Variants in TMEM45B observed in about 807,000 individuals in gnomAD.
TMEM45B encodes transmembrane protein 45B.
TMEM45B carries 29 observed loss-of-function variants against 27.3 expected under a neutral mutation model. The observed-to-expected ratio is 1.06, with a 90% CI of 0.79 to 1.45. The LOEUF (loss-of-function observed/expected upper bound fraction) is 1.45. Ranked by LOEUF, TMEM45B falls within the 40% of genes most tolerant of loss-of-function variation. TMEM45B has a pLI of 0.00. For synonymous variants in TMEM45B, 143 were observed against 134.7 expected, an observed-to-expected ratio of 1.06 and a Z score of -0.43; for missense variants, 348 against 343.9, an observed-to-expected ratio of 1.01 and a Z score of -0.09.
chr11:129,827,796 C>T (rs1390370380), intron 1 of TMEM45B, among the ~76,000 whole-genome samples: 2 of 152,040 alleles, frequency 1.3e-5, no homozygotes, highest in African/African-American at 4.8e-5. Context: ...GAGCGAAACT[C>T]TGCCTCAGAA....
intron 1 of TMEM45B, among the ~76,000 whole-genome samples, chr11:129,816,830 C>T (rs1345971970): frequency 2.0e-5 from 3 of 150,732 alleles, no homozygotes; most frequent in Admixed American, 2.0e-4. Flanking sequence ...CTCCACCTCC[C>T]GGGTTCACAC....
At position 129,847,173 on chromosome 11, in the gene TMEM45B, C is replaced by T. The variant is rs373771450; in HGVS notation, c.-8-5302C>T. Among the ~76,000 whole-genome samples, 103 of 152,258 alleles carry T rather than the reference C, an allele frequency of 6.8e-4. 1 individual carries two copies. The highest frequency in any genetic ancestry group is 5.4e-3 in the South Asian group (26 of 4,818). On this transcript the variant is annotated intron_variant, in intron 1 of 5. Coordinates refer to ENST00000281441, the MANE Select transcript of TMEM45B (RefSeq NM_138788.5). ...TGATGGATTAACAAATGACCACATG[C>T]ACAAAGCATTAGGTTGGTGCAAAAG...
At chr11:129,830,200 G>C (rs111669984) in intron 1 of TMEM45B, among the ~76,000 whole-genome samples, 1 of 152,214 alleles carries the variant, frequency 6.6e-6, no homozygotes, top group Non-Finnish European at 1.5e-5. Flanking sequence ...GGTGGCGCAT[G>C]CCTGTAATCC....
At chr11:129,842,847 A>C (rs979011317) in intron 1 of TMEM45B, among the ~76,000 whole-genome samples, 1 of 152,250 alleles carries the variant, frequency 6.6e-6, no homozygotes, top group African/African-American at 2.4e-5. Flanking sequence ...AAAACCATGA[A>C]GAGAGTAAAG....
Position 129,816,022 on chromosome 11 carries a change from G to A in TMEM45B, c.-9+124G>A. 2.4e-6 allele frequency: 3 copies of A among 1,225,428 alleles called. No homozygotes were observed. In the South Asian group the frequency reaches 1.1e-4, roughly 46 times the overall value. 75.9% of individuals were successfully genotyped at this position (1,225,428 alleles called of 1,614,324 possible). A position where few individuals can be genotyped will look rare whatever the true frequency, so the allele number is the denominator to read the frequency against. On this transcript the variant is annotated intron_variant, in intron 1 of 5. Transcript: ENST00000281441. ...CGACTCGCAGGGGACCTGCGGGGGA[G>A]GGGACGCGGACAGGGAGGGGCTCTG...
At chr11:129,847,143 G>A (rs535805051) in intron 1 of TMEM45B, among the ~76,000 whole-genome samples, 1 of 152,334 alleles carries the variant, frequency 6.6e-6, no homozygotes, top group East Asian at 1.9e-4. Context: ...GGTGATGCCT[G>A]ACAATGATGG....
chr11:129,839,504 T>A (rs1208904133), intron 1 of TMEM45B, among the ~76,000 whole-genome samples: 2 of 152,236 alleles, frequency 1.3e-5, no homozygotes, highest in Middle Eastern at 3.4e-3. Flanking sequence ...ATAAGAAAGT[T>A]GGGGAATTTG....
chr11:129,839,145 G>A (rs1393387318), intron 1 of TMEM45B, among the ~76,000 whole-genome samples: 1 of 152,088 alleles, frequency 6.6e-6, no homozygotes, highest in Non-Finnish European at 1.5e-5. Flanking sequence ...AGAGAGGGAG[G>A]GAGGGAAGGA....
chr11:129,837,100 C>G (rs1317877314), intron 1 of TMEM45B, among the ~76,000 whole-genome samples: 1 of 152,032 alleles, frequency 6.6e-6, no homozygotes, highest in African/African-American at 2.4e-5. Context: ...CCCAGGCCTG[C>G]TTCCCAAAGC....
chr11:129,841,507 G>C (rs1246626047), intron 1 of TMEM45B, among the ~76,000 whole-genome samples: 1 of 149,996 alleles, frequency 6.7e-6, no homozygotes, highest in East Asian at 2.0e-4. Flanking sequence ...TAAGGGACTT[G>C]AAAACTGGCC....
chr11:129,845,109 G>C (rs1947741111), intron 1 of TMEM45B, among the ~76,000 whole-genome samples: 1 of 152,074 alleles, frequency 6.6e-6, no homozygotes, highest in Non-Finnish European at 1.5e-5. Context: ...TTATAACCTA[G>C]ACTTTATATA....
At chr11:129,840,047 A>C (rs1379109592) in intron 1 of TMEM45B, among the ~76,000 whole-genome samples, 2 of 152,230 alleles carry the variant, frequency 1.3e-5, no homozygotes, top group African/African-American at 4.8e-5. Context: ...CAAATTATTT[A>C]GAAGTCCAAA....
chr11:129,830,840 G>C, intron 1 of TMEM45B, among the ~76,000 whole-genome samples: 1 of 152,180 alleles, frequency 6.6e-6, no homozygotes, highest in African/African-American at 2.4e-5. Flanking sequence ...CTAATACATT[G>C]CTGGTGGGAT....
rs1266274230 is a variant in TMEM45B at position 129,826,566 on chromosome 11, A to AG, written c.-9+10668_-9+10669insG. Among the ~76,000 whole-genome samples the AG allele has an allele frequency of 1.8e-3, 258 of 139,520 alleles. 29 individuals are homozygous for AG. The highest frequency in any genetic ancestry group is 5.9e-3 in the African/African-American group (225 of 37,972). The allele number at this position is 139,520 out of a possible 152,430, so 91.5% of individuals were successfully genotyped here. The stretch of plus-strand genomic sequence containing the variant: ...TCTGTCACAAAAAAAAAAAAAAAAA[A>AG]AAGGACCCTGAGAGGCTATGTGTCT... On this transcript the variant is annotated intron_variant, in intron 1 of 5. Coordinates refer to ENST00000281441, the MANE Select transcript of TMEM45B (RefSeq NM_138788.5).
Position 129,852,506 on chromosome 11 carries a change from G to C in TMEM45B, c.24G>C (p.Ala8=), listed in dbSNP as rs182617089. ...TGATGGCAAATTTCAAGGGCCACGC[G>C]CTTCCAGGGAGTTTCTTCCTGATCA... The part of the protein sequence containing the change: MANFKGH[A]LPGSFFLIIG... The change falls in exon 2 of 6, where the codon GCG becomes GCC. Residue 8 remains alanine, a synonymous_variant. Coordinates refer to ENST00000281441, the MANE Select transcript of TMEM45B (RefSeq NM_138788.5). 7 of 1,603,972 alleles carry C rather than the reference G, an allele frequency of 4.4e-6. No individual in the cohort carries two copies. The highest frequency in any genetic ancestry group is 6.0e-6 in the Non-Finnish European group (7 of 1,171,866).
At chr11:129,834,980 T>C (rs747732850) in intron 1 of TMEM45B, among the ~76,000 whole-genome samples, 1 of 152,176 alleles carries the variant, frequency 6.6e-6, no homozygotes, top group Non-Finnish European at 1.5e-5. Flanking sequence ...TAGACCTTGT[T>C]ATAAAGTGGC....
chr11:129,853,397 G>C (rs966748578), intron 2 of TMEM45B, among the ~76,000 whole-genome samples: 14 of 152,350 alleles, frequency 9.2e-5, no homozygotes, highest in African/African-American at 3.4e-4. Flanking sequence ...GCTTCTTGGA[G>C]AGAGTGAAGC....
At chr11:129,853,483 C>G (rs528437163) in intron 2 of TMEM45B, among the ~76,000 whole-genome samples, 67 of 152,364 alleles carry the variant, frequency 4.4e-4, no homozygotes, top group African/African-American at 1.4e-3. Flanking sequence ...CCCCACTCAC[C>G]ATTCAGGCAT....
intron 1 of TMEM45B, among the ~76,000 whole-genome samples, chr11:129,816,545 G>A (rs1178720984): frequency 1.3e-5 from 2 of 152,108 alleles, no homozygotes; most frequent in Non-Finnish European, 2.9e-5. Context: ...GTCAGGCGCA[G>A]TGGGGGAGAA....
Sources: allele counts gnomAD v4.1 joint callset (sites outside exome capture counted in the v4.1 genomes callset), GRCh38; gene constraint gnomAD v4.1.1; transcripts MANE v1.5; gene names NCBI Gene and HGNC (gene_info 2026-07-23, HGNC 2026-07-21).